Variants in FIGN observed in about 807,000 individuals in gnomAD.
The protein encoded by FIGN is fidgetin.
FIGN carries 11 observed loss-of-function variants against 51.3 expected under a neutral mutation model. That is an observed-to-expected ratio of 0.21 (90% CI 0.13 to 0.35). FIGN has a LOEUF of 0.35. Among genes scored for constraint, FIGN ranks in the 10% least tolerant of loss-of-function variants. The pLI is 1.00. For synonymous variants in FIGN, 407 were observed against 363.2 expected (o/e 1.12, Z -1.37); for missense variants, 857 against 943.6 (o/e 0.91, Z 1.20).
chr2:163,670,513 A>G (rs1683859662), intron 2 of FIGN, among the ~76,000 whole-genome samples: 1 of 152,196 alleles, frequency 6.6e-6, no homozygotes, highest in East Asian at 1.9e-4. Flanking sequence ...TTCAAATTCT[A>G]ATTATTCTAC....
At chr2:163,617,195 G>C in intron 2 of FIGN, 1 of 984,908 alleles carries the variant, frequency 1.0e-6, no homozygotes, top group Non-Finnish European at 1.2e-6. Flanking sequence ...ACAAGTAACA[G>C]AAAGGGAAAA....
At chr2:163,626,955 C>T (rs1226471958) in intron 2 of FIGN, among the ~76,000 whole-genome samples, 1 of 152,132 alleles carries the variant, frequency 6.6e-6, no homozygotes, top group East Asian at 1.9e-4. Context: ...TTGCCAACGT[C>T]AGGAAATTAC....
rs1377410838 is a variant in FIGN, at chr2:163,609,680, G to A, written c.2152C>T (p.Pro718Ser). 3.1e-6 allele frequency: 5 copies of A among 1,614,088 alleles called. No homozygotes were observed. The highest frequency in any genetic ancestry group is 4.5e-5 in the East Asian group (2 of 44,860). Residue 718 changes from proline to serine, a missense_variant, in exon 3 of 3, where the codon CCC (proline) becomes TCC (serine). Pro to Ser is a moderately conservative substitution (Grantham distance 74, BLOSUM62 -1). Transcript: ENST00000333129. Reference protein sequence around the residue: ...MPATDLSAIMPSQLRPVTYQD... With the variant: ...MPATDLSAIMSSQLRPVTYQD... ...TATGTAACGGGCCTCAACTGGCTGG[G>A]CATAATGGCTGAAAGGTCTGTGGCT... is the stretch of plus-strand genomic sequence containing the variant.
intron 2 of FIGN, among the ~76,000 whole-genome samples, chr2:163,650,458 T>C (rs1216688003): frequency 6.6e-6 from 1 of 152,082 alleles, no homozygotes; most frequent in Non-Finnish European, 1.5e-5. Context: ...TTTTGTTACA[T>C]AGGTATACAC....
At chr2:163,635,822 T>C (rs1213739249) in intron 2 of FIGN, among the ~76,000 whole-genome samples, 1 of 152,144 alleles carries the variant, frequency 6.6e-6, no homozygotes, top group Non-Finnish European at 1.5e-5. Context: ...GATAACCAGA[T>C]ATGACATTTT....
At chr2:163,650,453 T>C (rs932463731) in intron 2 of FIGN, among the ~76,000 whole-genome samples, 1 of 152,148 alleles carries the variant, frequency 6.6e-6, no homozygotes, top group African/African-American at 2.4e-5. Context: ...GCAGGTTTTG[T>C]TACATAGGTA....
In FIGN at chr2:163,610,066, A is replaced by G. The variant is rs376375162; in HGVS notation, c.1766T>C (p.Met589Thr). The change falls in exon 3 of 3, where the codon ATG (methionine) becomes ACG (threonine). Residue 589 changes from methionine (M) to threonine (T), a missense_variant. This residue lies in a region of FIGN where 799 missense variants were observed against 849.5 expected (regional missense o/e 0.94). Transcript: ENST00000333129. ...CTCATTCACTTGAGAGGAGAGAAGC[A>G]TGTCAATGTCACTAACAAAAATCAC... ...PSVIFVSDID[M>T]LLSSQVNEEH... 32 of 1,613,900 alleles carry G rather than the reference A, an allele frequency of 2.0e-5. No homozygotes were observed. In the African/African-American group the frequency reaches 3.3e-4, roughly 17 times the overall value.
Position 163,610,945 on chromosome 2 carries a change from T to C in FIGN, c.887A>G (p.Gln296Arg). Residue 296 changes from glutamine to arginine, a missense_variant, in exon 3 of 3, where the codon CAG becomes CGG. Physicochemically the swap from Gln to Arg is conservative, Grantham distance 43 (BLOSUM62 1). This residue lies in a region of FIGN where 799 missense variants were observed against 849.5 expected (regional missense o/e 0.94). Transcript: ENST00000333129. ...PPTTVPGYTY[Q>R]GHGLTPIAPS... ...TGCAATAGGTGTCAAACCATGGCCC[T>C]GGTAGGTGTAGCCAGGAACAGTGGT... is the stretch of plus-strand genomic sequence containing the variant. 3.7e-6 allele frequency: 6 copies of C among 1,608,194 alleles called. No homozygotes were observed. The highest frequency in any genetic ancestry group is 5.1e-6 in the Non-Finnish European group (6 of 1,179,002).
At chr2:163,666,819 T>C (rs978823187) in intron 2 of FIGN, among the ~76,000 whole-genome samples, 1 of 152,036 alleles carries the variant, frequency 6.6e-6, no homozygotes, top group Admixed American at 6.6e-5. Context: ...AATTTGACTT[T>C]GGGGTTTGAA....
intron 2 of FIGN, among the ~76,000 whole-genome samples, chr2:163,700,863 A>G (rs1684397558): frequency 6.6e-6 from 1 of 152,100 alleles, no homozygotes; most frequent in Non-Finnish European, 1.5e-5. Context: ...CATGATAATC[A>G]ATTAACAAGG....
chr2:163,640,260 A>G (rs968063147), intron 2 of FIGN, among the ~76,000 whole-genome samples: 1 of 152,232 alleles, frequency 6.6e-6, no homozygotes, highest in East Asian at 1.9e-4. Context: ...AAATTTCATA[A>G]CATTAAACTT....
chr2:163,609,439 C>CT lies in FIGN; in HGVS notation c.*112_*113insA. ...AAAGATGCAACTTAATCGTCATCTT[C>CT]CCCAGTACCCTTTGCAATTTAAACT... On this transcript the variant is annotated 3_prime_UTR_variant, in exon 3 of 3. Coordinates refer to ENST00000333129, the MANE Select transcript of FIGN (RefSeq NM_018086.4). 1.1e-6 allele frequency: 1 copy of CT among 885,612 alleles called. No homozygotes were observed. The highest frequency in any genetic ancestry group is 1.7e-5 in the African/African-American group (1 of 59,508). The allele number at this position is 885,612 out of a possible 1,614,324, so 54.9% of individuals were successfully genotyped here.
At position 163,611,788 on chromosome 2, in the gene FIGN, G is replaced by A. The variant is rs199883388; in HGVS notation, c.44C>T (p.Thr15Met). The A allele has an allele frequency of 1.0e-5, 16 of 1,601,540 alleles. No homozygotes were observed. Among genetic ancestry groups the A allele is most frequent in the East Asian group, 2.3e-5 (1 of 44,426 alleles). The change falls in exon 3 of 3, where the codon ACG becomes ATG. Residue 15 changes from threonine (T) to methionine (M), a missense_variant. This residue lies in a region of FIGN where 56 missense variants were observed against 75.3 expected (regional missense o/e 0.74). Transcript: ENST00000333129. ...TSVYGLKMQWTPEHAQWPEQH... is the reference protein window; with the variant it reads ...TSVYGLKMQWMPEHAQWPEQH... Reference sequence around the variant, plus strand: ...TTCTGGCCACTGGGCATGCTCTGGCGTCCACTGCATCTTCAAGCCTAAGAA... The same window carrying A: ...TTCTGGCCACTGGGCATGCTCTGGCATCCACTGCATCTTCAAGCCTAAGAA...
At chr2:163,653,005 AAG>A (rs1364136536) in intron 2 of FIGN, among the ~76,000 whole-genome samples, 1 of 152,164 alleles carries the variant, frequency 6.6e-6, no homozygotes, top group Admixed American at 6.5e-5. Context: ...AAAAATGATT[AAG>A]AGAGAAGATT....
chr2:163,627,789 G>T (rs1056345665), intron 2 of FIGN, among the ~76,000 whole-genome samples: 1 of 151,988 alleles, frequency 6.6e-6, no homozygotes, highest in African/African-American at 2.4e-5. Flanking sequence ...AAACAGACAA[G>T]CCAAAGTGAA....
rs138924111 is a variant in FIGN, at chr2:163,734,153, AC to A, written c.25+749del. On this transcript the variant is annotated intron_variant, in intron 2 of 2. Transcript: ENST00000333129. ...TAAAGAAAGGAAAGAGCGATTTCAAACGAAGTCAATTTCAGTGCCTGATTAT... is the reference window on the plus strand; with the variant it reads ...TAAAGAAAGGAAAGAGCGATTTCAAAGAAGTCAATTTCAGTGCCTGATTAT... Among the ~76,000 whole-genome samples, 271 of 152,174 alleles carry A rather than the reference AC, an allele frequency of 1.8e-3. 1 individual carries two copies. Among genetic ancestry groups the A allele is most frequent in the African/African-American group, 6.3e-3 (263 of 41,524 alleles).
chr2:163,709,984 G>C (rs1264275143), intron 2 of FIGN, among the ~76,000 whole-genome samples: 4 of 152,066 alleles, frequency 2.6e-5, no homozygotes. Flanking sequence ...AATTGAATAA[G>C]AAATGTTCAA....
At chr2:163,734,844 C>T in intron 2 of FIGN, 59 bp downstream of exon 2, 1 of 1,513,220 alleles carries the variant, frequency 6.6e-7, no homozygotes, top group Admixed American at 1.9e-5. Flanking sequence ...TTTTATCATG[C>T]TATTTCATTT....
chr2:163,637,546 A>C (rs1031562387), intron 2 of FIGN, among the ~76,000 whole-genome samples: 1 of 152,196 alleles, frequency 6.6e-6, no homozygotes, highest in African/African-American at 2.4e-5. Context: ...ACAAAATTGT[A>C]GGTTCAGTCA....
Sources: allele counts gnomAD v4.1 joint callset (sites outside exome capture counted in the v4.1 genomes callset), GRCh38; gene constraint gnomAD v4.1.1; regional missense constraint gnomAD v4.1.1; transcripts MANE v1.5; gene names NCBI Gene and HGNC (gene_info 2026-07-23, HGNC 2026-07-21).